PAH: variants seen among roughly 807,000 people sequenced by gnomAD.
PAH encodes the protein phenylalanine-4-hydroxylase.
In PAH, 64 loss-of-function variants were observed where a neutral mutation model predicts 62.0. That is an observed-to-expected ratio of 1.03 (90% CI 0.84 to 1.27). The LOEUF (loss-of-function observed/expected upper bound fraction) is 1.27, where lower values mean the gene tolerates loss of function less well. Ranked by LOEUF, PAH falls within the 50% of genes most tolerant of loss-of-function variation. The pLI, the probability that PAH is intolerant of heterozygous loss-of-function variation, is 0.00. For synonymous variants in PAH, 195 were observed against 196.2 expected (o/e 0.99, Z 0.05); for missense variants, 579 against 542.8 (o/e 1.07, Z -0.66).
chr12:102,932,690 G>A (rs7973675), intron 1 of PAH, among the ~76,000 whole-genome samples: 69,103 of 152,054 alleles, frequency 0.45, 18,257 homozygotes, highest in African/African-American at 0.73. Flanking sequence ...AGACACCACA[G>A]TGAGTGCTGA....
chr12:102,909,143 C>T (rs2136722968), intron 2 of PAH, among the ~76,000 whole-genome samples: 1 of 152,210 alleles, frequency 6.6e-6, no homozygotes, highest in Non-Finnish European at 1.5e-5. Context: ...CTTCATGCCT[C>T]TTTAAGCTCC....
exon 1 of PAH, chr12:102,958,343 CACGGCCGCAGCCGCGGCGGCCGCA>C (rs763654104): frequency 4.1e-6 from 6 of 1,456,882 alleles, no homozygotes; most frequent in East Asian, 3.0e-5. Context: ...GTTTCTTTGC[CACGGCCGCAGCCGCGGCGGCCGCA>C]GCCGCCGCAG....
chr12:102,878,550 C>A (rs1368716657), intron 3 of PAH, among the ~76,000 whole-genome samples: 1 of 151,554 alleles, frequency 6.6e-6, no homozygotes, highest in Non-Finnish European at 1.5e-5. Context: ...GAGACAAGGG[C>A]ATTTTGGACC....
Position 102,957,856 on chromosome 12 carries a change from A to C in PAH, c.-96+339T>G. 1 of 171,768 alleles carries C rather than the reference A, an allele frequency of 5.8e-6. No individual in the cohort carries two copies. The allele number at this position is 171,768 out of a possible 1,614,324, so 10.6% of individuals were successfully genotyped here. A position where few individuals can be genotyped will look rare whatever the true frequency, so the allele number is the denominator to read the frequency against. ...AGAGCGCAGCCTTAGTAGGAGAGGA[A>C]CGCGAGACGCGGCAGAGCGCGTTCA... is the stretch of plus-strand genomic sequence containing the variant. On this transcript the variant is annotated intron_variant, in intron 1 of 4. Transcript: ENST00000551337. The surrounding 1 kb of genome is among the most constrained non-coding windows in gnomAD (Gnocchi z 4.1).
intron 3 of PAH, among the ~76,000 whole-genome samples, chr12:102,892,371 C>T (rs577992353): frequency 2.1e-5 from 3 of 144,680 alleles, no homozygotes; most frequent in South Asian, 2.2e-4. Flanking sequence ...GAAAGAAACT[C>T]GATTTTACAG....
intron 6 of PAH, chr12:102,854,836 AAACCTCAGTG>A: frequency 2.2e-6 from 1 of 445,810 alleles, no homozygotes; most frequent in Non-Finnish European, 4.2e-6. Flanking sequence ...AAACAAAAAA[AAACCTCAGTG>A]AAGCACCTTG....
intron 3 of PAH, among the ~76,000 whole-genome samples, chr12:102,888,170 A>G (rs1233123856): frequency 6.6e-6 from 1 of 152,116 alleles, no homozygotes; most frequent in Non-Finnish European, 1.5e-5. Flanking sequence ...TAGGCACTTT[A>G]TGCAAATTAT....
intron 3 of PAH, among the ~76,000 whole-genome samples, chr12:102,878,867 G>A (rs940182568): frequency 5.3e-5 from 8 of 152,074 alleles, no homozygotes; most frequent in Non-Finnish European, 1.0e-4. Context: ...CCTCTTGCGC[G>A]GGTAAGAAAC....
intron 2 of PAH, among the ~76,000 whole-genome samples, chr12:102,897,451 ATG>A (rs34824304): frequency 0.16 from 20,688 of 130,060 alleles, 1,766 homozygotes; most frequent in Admixed American, 0.3. Flanking sequence ...TCTCATATAT[ATG>A]TGTGTGTGTG....
chr12:102,955,981 G>A (rs1879898778), intron 1 of PAH, among the ~76,000 whole-genome samples: 1 of 152,084 alleles, frequency 6.6e-6, no homozygotes, highest in Non-Finnish European at 1.5e-5. Context: ...GATTCACTTC[G>A]GGAGCCGCCC....
chr12:102,936,478 T>A (rs1175218808), intron 1 of PAH, among the ~76,000 whole-genome samples: 1 of 152,182 alleles, frequency 6.6e-6, no homozygotes, highest in Non-Finnish European at 1.5e-5. Context: ...GAAAGTGAGG[T>A]GTTGATGTCT....
chr12:102,922,988 AT>A (rs1878594739), intron 1 of PAH, among the ~76,000 whole-genome samples: 2 of 152,194 alleles, frequency 1.3e-5, no homozygotes, highest in African/African-American at 4.8e-5. Context: ...ACCAACTTAC[AT>A]TTTACCAACA....
At chr12:102,840,985 G>T (rs952198797) in intron 11 of PAH, among the ~76,000 whole-genome samples, 12 of 152,156 alleles carry the variant, frequency 7.9e-5, no homozygotes, top group African/African-American at 2.9e-4. Flanking sequence ...TACCTTCTAT[G>T]TTCCAAGAAC....
chr12:102,929,326 G>C (rs1357257), intron 1 of PAH, among the ~76,000 whole-genome samples: 40,238 of 152,000 alleles, frequency 0.26, 5,729 homozygotes, highest in African/African-American at 0.38. Flanking sequence ...ACATAATGCT[G>C]TGAGAACTTT....
At chr12:102,880,111 A>G (rs759701505) in intron 3 of PAH, among the ~76,000 whole-genome samples, 4 of 152,170 alleles carry the variant, frequency 2.6e-5, no homozygotes, top group South Asian at 2.1e-4. Context: ...CTTGGTCCCA[A>G]CTGCTGAAAC....
chr12:102,840,505 C>A lies in PAH; in HGVS notation c.1210G>T (p.Ala404Ser), dbSNP rs886043085. Residue 404 changes from alanine to serine, a missense_variant, in exon 12 of 13, where the codon GCC becomes TCC. Transcript: ENST00000553106. ...DAKEKVRNFA[A>S]TIPRPFSVRY... ...ACTGAGAAGGGCCGAGGTATTGTGG[C>A]AGCAAAGTTCCTAAGACCAAAACCA... 1.2e-6 allele frequency: 2 copies of A among 1,612,992 alleles called. No homozygotes were observed. Among genetic ancestry groups the A allele is most frequent in the Admixed American group, 3.3e-5 (2 of 59,966 alleles).
At chr12:102,912,716 CA>C in intron 2 of PAH, 74 bp downstream of exon 2, 1 of 1,050,194 alleles carries the variant, frequency 9.5e-7, no homozygotes, top group Non-Finnish European at 1.5e-6. Flanking sequence ...GTGTTCTTTT[CA>C]TTGCATCTAA....
chr12:102,860,048 T>G (rs1875646294), intron 5 of PAH, among the ~76,000 whole-genome samples: 1 of 152,216 alleles, frequency 6.6e-6, no homozygotes, highest in African/African-American at 2.4e-5. Flanking sequence ...TGTCCCTGTT[T>G]GCAGATGACA....
chr12:102,910,714 A>G lies in PAH; in HGVS notation c.168+2077T>C, dbSNP rs567407274. Reference sequence around the variant, plus strand: ...TTCATAAGCAAAGTCCAGTGGGACAATGAAGCACATGCTGGGTATTTGGAG... The same window carrying G: ...TTCATAAGCAAAGTCCAGTGGGACAGTGAAGCACATGCTGGGTATTTGGAG... On this transcript the variant is annotated intron_variant, in intron 2 of 12. Coordinates refer to ENST00000553106, the MANE Select transcript of PAH (RefSeq NM_000277.3). 1.3e-4 allele frequency among the ~76,000 whole-genome samples: 20 copies of G among 152,304 alleles called. No homozygotes were observed. In the East Asian group the frequency reaches 2.9e-3, roughly 22 times the overall value.
Sources: allele counts gnomAD v4.1 joint callset (sites outside exome capture counted in the v4.1 genomes callset), GRCh38; gene constraint gnomAD v4.1.1; non-coding constraint Gnocchi (gnomAD v3.1); transcripts MANE v1.5; gene names NCBI Gene and HGNC (gene_info 2026-07-23, HGNC 2026-07-21).